The following MAD1L1 variants were observed in gnomAD, a reference collection of about 807,000 sequenced individuals.
MAD1L1 encodes the protein mitotic arrest deficient 1 like 1.
A neutral mutation model predicts 96.9 loss-of-function variants in MAD1L1; 95 were observed. That is an observed-to-expected ratio of 0.98 (90% CI 0.83 to 1.16). The LOEUF is 1.16. Ranked by LOEUF, MAD1L1 falls within the 50% of genes most tolerant of loss-of-function variation. MAD1L1 has a pLI of 0.00. For synonymous variants in MAD1L1, 473 were observed against 396.6 expected, an observed-to-expected ratio of 1.19 and a Z score of -2.29; for missense variants, 1,007 against 954.4, an observed-to-expected ratio of 1.06 and a Z score of -0.73.
At chr7:1,996,157 T>TCC (rs55776046) in intron 14 of MAD1L1, among the ~76,000 whole-genome samples, 11 of 130,402 alleles carry the variant, frequency 8.4e-5, no homozygotes, top group Admixed American at 2.4e-4. Flanking sequence ...GCATGCAGGG[T>TCC]CCCCCGGGTC....
At chr7:2,191,236 C>T (rs1377276732) in intron 10 of MAD1L1, among the ~76,000 whole-genome samples, 1 of 152,174 alleles carries the variant, frequency 6.6e-6, no homozygotes, top group African/African-American at 2.4e-5. Context: ...GACAGCCAGA[C>T]TGAGGGCAAG....
chr7:2,219,799 G>A (rs940427548), intron 5 of MAD1L1, among the ~76,000 whole-genome samples: 1 of 152,114 alleles, frequency 6.6e-6, no homozygotes, highest in Non-Finnish European at 1.5e-5. Context: ...GTGCTCCAGA[G>A]CAGCACAGCC....
intron 15 of MAD1L1, among the ~76,000 whole-genome samples, chr7:1,976,614 C>T (rs769382608): frequency 2.0e-5 from 3 of 152,232 alleles, no homozygotes; most frequent in East Asian, 1.9e-4. Context: ...GGGACCCCAG[C>T]GGGTTGCCGC....
At chr7:2,228,789 G>T (rs1794045173) in intron 3 of MAD1L1, among the ~76,000 whole-genome samples, 1 of 151,516 alleles carries the variant, frequency 6.6e-6, no homozygotes, top group African/African-American at 2.4e-5. Context: ...CACCCAGGCT[G>T]GAGTGCGGTG....
chr7:1,923,340 C>T (rs563364628), intron 17 of MAD1L1, among the ~76,000 whole-genome samples: 2 of 152,354 alleles, frequency 1.3e-5, no homozygotes, highest in African/African-American at 4.8e-5. Context: ...GGAGTGAGCA[C>T]AAGACGCACA....
At chr7:2,126,401 G>C (rs933478918) in intron 11 of MAD1L1, among the ~76,000 whole-genome samples, 2 of 152,342 alleles carry the variant, frequency 1.3e-5, no homozygotes, top group East Asian at 3.9e-4. Context: ...CAGGGCAGCA[G>C]ATGTGGACCA....
intron 18 of MAD1L1, among the ~76,000 whole-genome samples, chr7:1,842,924 G>A (rs980736014): frequency 6.6e-5 from 10 of 152,254 alleles, no homozygotes; most frequent in Non-Finnish European, 1.5e-4. Context: ...CTGGAGCTCA[G>A]GGGCTGGCTG....
At chr7:1,897,420 G>A (rs937668120) in intron 18 of MAD1L1, among the ~76,000 whole-genome samples, 12 of 152,116 alleles carry the variant, frequency 7.9e-5, no homozygotes, top group Non-Finnish European at 5.9e-5. Context: ...ATGCCAAGAC[G>A]GGGCCACGAG....
chr7:1,898,135 C>G (rs535050905), intron 18 of MAD1L1, 65 bp downstream of exon 18: 2 of 1,494,316 alleles, frequency 1.3e-6, no homozygotes, highest in Non-Finnish European at 1.8e-6. Context: ...GGGCTACGGT[C>G]GGATCTCCCC....
At chr7:1,953,927 C>T (rs1288895347) in intron 16 of MAD1L1, among the ~76,000 whole-genome samples, 1 of 152,194 alleles carries the variant, frequency 6.6e-6, no homozygotes, top group East Asian at 1.9e-4. Context: ...TGGGGATGCG[C>T]CCGCCCAGCC....
rs568290327 is a variant in MAD1L1 at position 2,025,085 on chromosome 7, C to T, written c.1219-10443G>A. ...TGGTTCATGAACTGTAACAAATATA[C>T]CACAGTAATGTAAGACTTTAGTAAC... is the stretch of plus-strand genomic sequence containing the variant. On this transcript the variant is annotated intron_variant, in intron 12 of 18. Coordinates refer to ENST00000265854, the MANE Select transcript of MAD1L1 (RefSeq NM_001013836.2). Among the ~76,000 whole-genome samples the T allele has an allele frequency of 1.4e-4, 21 of 152,248 alleles. No individual in the cohort carries two copies. The South Asian group carries it at 3.5e-3, about 26-fold the overall frequency.
intron 11 of MAD1L1, among the ~76,000 whole-genome samples, chr7:2,104,307 C>CA (rs1786970438): frequency 6.6e-6 from 1 of 152,250 alleles, no homozygotes; most frequent in Admixed American, 6.5e-5. Context: ...GATGAGGCCC[C>CA]GGAGAGAAAA....
chr7:2,165,283 C>A (rs111335442), intron 10 of MAD1L1, among the ~76,000 whole-genome samples: 13 of 152,270 alleles, frequency 8.5e-5, no homozygotes, highest in African/African-American at 3.1e-4. Flanking sequence ...TAAGCTACAG[C>A]TGCCGGGGAT....
chr7:2,185,413 C>T (rs1476179020), intron 10 of MAD1L1, among the ~76,000 whole-genome samples: 2 of 152,102 alleles, frequency 1.3e-5, no homozygotes, highest in East Asian at 1.9e-4. Flanking sequence ...TGCAGCCTGA[C>T]GGAGGCAGTG....
chr7:2,015,638 T>C (rs1211272062), intron 12 of MAD1L1, among the ~76,000 whole-genome samples: 2 of 152,208 alleles, frequency 1.3e-5, no homozygotes, highest in East Asian at 3.9e-4. Flanking sequence ...CCCCGGACCC[T>C]TCTGGTCTCA....
intron 11 of MAD1L1, among the ~76,000 whole-genome samples, chr7:2,132,376 CG>C (rs1788553558): frequency 1.3e-5 from 2 of 149,270 alleles, no homozygotes; most frequent in South Asian, 2.1e-4. Flanking sequence ...AGTCCCTGTG[CG>C]ACCGCGCGTC....
At chr7:2,072,541 T>C (rs746751456) in intron 11 of MAD1L1, among the ~76,000 whole-genome samples, 12 of 152,340 alleles carry the variant, frequency 7.9e-5, no homozygotes, top group Middle Eastern at 3.4e-3. Context: ...AAACTACTCA[T>C]GGGCCAATTT....
intron 10 of MAD1L1, among the ~76,000 whole-genome samples, chr7:2,175,623 C>G (rs1790914368): frequency 1.3e-5 from 2 of 151,918 alleles, no homozygotes; most frequent in African/African-American, 4.8e-5. Context: ...TAGAAAAACT[C>G]TGGCAACATA....
At chr7:2,093,630 C>T (rs1216705653) in intron 11 of MAD1L1, among the ~76,000 whole-genome samples, 1 of 152,214 alleles carries the variant, frequency 6.6e-6, no homozygotes, top group African/African-American at 2.4e-5. Flanking sequence ...CTCCTTCCTT[C>T]CAGGTGTGGG....
Sources: allele counts gnomAD v4.1 joint callset (sites outside exome capture counted in the v4.1 genomes callset), GRCh38; gene constraint gnomAD v4.1.1; transcripts MANE v1.5; gene names NCBI Gene and HGNC (gene_info 2026-07-23, HGNC 2026-07-21).